Variants in FRMD4A observed in about 807,000 individuals in gnomAD.
FRMD4A encodes the protein FERM domain-containing protein 4A.
In FRMD4A, 29 loss-of-function variants were observed where a neutral mutation model predicts 129.1. That is an observed-to-expected ratio of 0.22 (90% CI 0.17 to 0.31). The LOEUF is 0.31. FRMD4A is among the 10% of genes least tolerant of loss of function. FRMD4A has a pLI of 1.00. For synonymous variants in FRMD4A, 634 were observed against 571.6 expected (o/e 1.11, Z -1.56); for missense variants, 1,272 against 1,375.8 (o/e 0.92, Z 1.19).
intron 2 of FRMD4A, among the ~76,000 whole-genome samples, chr10:13,919,897 C>T (rs1280783399): frequency 6.6e-6 from 1 of 152,138 alleles, no homozygotes; most frequent in Non-Finnish European, 1.5e-5. Context: ...GAGATTGCAC[C>T]ACTGCACTCC....
intron 2 of FRMD4A, among the ~76,000 whole-genome samples, chr10:14,055,472 C>A (rs7083564): frequency 0.17 from 17,626 of 105,364 alleles, 1,286 homozygotes; most frequent in East Asian, 0.41. Flanking sequence ...AACACACACA[C>A]ACACACACAC....
chr10:14,137,262 G>C (rs1839587161), intron 2 of FRMD4A, among the ~76,000 whole-genome samples: 1 of 152,182 alleles, frequency 6.6e-6, no homozygotes, highest in East Asian at 1.9e-4. Flanking sequence ...ACTCCCCCTT[G>C]CCCAGTGGAA....
intron 2 of FRMD4A, among the ~76,000 whole-genome samples, chr10:14,054,284 G>T (rs536618351): frequency 6.6e-6 from 1 of 152,200 alleles, no homozygotes; most frequent in Middle Eastern, 3.4e-3. Context: ...TTATGGCCTT[G>T]CCACCTCTTC....
Position 13,956,313 on chromosome 10 carries a change from C to T in FRMD4A, c.46-97401G>A, listed in dbSNP as rs542071190. Among the ~76,000 whole-genome samples, 12 of 152,236 alleles carry T rather than the reference C, an allele frequency of 7.9e-5. No individual in the cohort carries two copies. In the East Asian group the frequency reaches 1.2e-3, roughly 15 times the overall value. ...GACTGCAGGCATGAGCCACCACACC[C>T]GGCTAATTTTGTACTTTTAGTAGAG... On this transcript the variant is annotated intron_variant, in intron 2 of 24. Coordinates refer to ENST00000357447, the MANE Select transcript of FRMD4A (RefSeq NM_018027.5).
At chr10:13,960,852 CT>C in intron 2 of FRMD4A, among the ~76,000 whole-genome samples, 1 of 152,052 alleles carries the variant, frequency 6.6e-6, no homozygotes, top group Non-Finnish European at 1.5e-5. Context: ...CTCTGCCCTC[CT>C]TTTTTTTAAG....
chr10:14,096,047 C>T (rs992720281), intron 2 of FRMD4A, among the ~76,000 whole-genome samples: 1 of 152,214 alleles, frequency 6.6e-6, no homozygotes, highest in African/African-American at 2.4e-5. Context: ...AAAAAGGCAC[C>T]AAGCCTTCTG....
intron 2 of FRMD4A, among the ~76,000 whole-genome samples, chr10:13,891,250 C>T (rs943656763): frequency 6.6e-6 from 1 of 152,030 alleles, no homozygotes; most frequent in Admixed American, 6.5e-5. Context: ...TCTGAAACGC[C>T]CTGTCCTGCA....
intron 2 of FRMD4A, among the ~76,000 whole-genome samples, chr10:13,964,922 G>A (rs2095475585): frequency 6.6e-6 from 1 of 152,002 alleles, no homozygotes; most frequent in Admixed American, 6.6e-5. Flanking sequence ...TTGACCTCAT[G>A]ACCTGCCCGC....
intron 2 of FRMD4A, among the ~76,000 whole-genome samples, chr10:13,895,331 A>C (rs542900885): frequency 6.6e-6 from 1 of 152,338 alleles, no homozygotes; most frequent in East Asian, 1.9e-4. Context: ...AAATGAGAAC[A>C]TGCAGAATTT....
At chr10:13,905,548 C>G (rs2094873046) in intron 2 of FRMD4A, among the ~76,000 whole-genome samples, 1 of 152,062 alleles carries the variant, frequency 6.6e-6, no homozygotes, top group South Asian at 2.1e-4. Context: ...TGGTTATAAC[C>G]TAAACTATTA....
chr10:13,827,103 G>A (rs1471681041), intron 3 of FRMD4A, among the ~76,000 whole-genome samples: 2 of 152,210 alleles, frequency 1.3e-5, no homozygotes, highest in Non-Finnish European at 1.5e-5. Flanking sequence ...AAGACGGTGA[G>A]GCATTTATGA....
chr10:13,683,271 C>T (rs756953337), intron 15 of FRMD4A, among the ~76,000 whole-genome samples: 20 of 152,066 alleles, frequency 1.3e-4, no homozygotes, highest in East Asian at 9.7e-4. Context: ...ACCTGCCTGC[C>T]GGGAGGCAGA....
intron 14 of FRMD4A, among the ~76,000 whole-genome samples, chr10:13,696,393 C>T (rs952313252): frequency 2.6e-5 from 4 of 152,290 alleles, no homozygotes; most frequent in African/African-American, 7.2e-5. Context: ...CAATAACTCA[C>T]GAAGGCCTAG....
intron 2 of FRMD4A, among the ~76,000 whole-genome samples, chr10:13,991,409 A>G (rs1484623320): frequency 1.2e-4 from 18 of 152,268 alleles, no homozygotes; most frequent in Admixed American, 1.1e-3. Flanking sequence ...GACAGTGTGC[A>G]CCTGCTTTCC....
At chr10:13,739,423 A>G (rs1041813348) in intron 11 of FRMD4A, among the ~76,000 whole-genome samples, 1 of 152,342 alleles carries the variant, frequency 6.6e-6, no homozygotes, top group African/African-American at 2.4e-5. Flanking sequence ...CAAGGCCACC[A>G]GACAGGGAGC....
chr10:14,043,743 A>G (rs1015856609), intron 2 of FRMD4A, among the ~76,000 whole-genome samples: 1 of 152,268 alleles, frequency 6.6e-6, no homozygotes, highest in Admixed American at 6.5e-5. Flanking sequence ...TTGACTTCTC[A>G]TCAAACTAGC....
chr10:14,172,848 C>T (rs1389089914), intron 2 of FRMD4A, among the ~76,000 whole-genome samples: 3 of 152,182 alleles, frequency 2.0e-5, no homozygotes, highest in Admixed American at 6.5e-5. Flanking sequence ...CGCAGAAGGG[C>T]TGGAGTTAGA....
At chr10:14,282,065 G>A (rs868054686) in intron 2 of FRMD4A, among the ~76,000 whole-genome samples, 26 of 152,146 alleles carry the variant, frequency 1.7e-4, no homozygotes, top group African/African-American at 5.6e-4. Context: ...GAGAAAGAAT[G>A]AGAACCAAGC....
At chr10:13,950,762 C>T (rs1426268990) in intron 2 of FRMD4A, among the ~76,000 whole-genome samples, 1 of 152,182 alleles carries the variant, frequency 6.6e-6, no homozygotes, top group East Asian at 1.9e-4. Flanking sequence ...GAGAATTTTG[C>T]TTGGCTCATT....
Sources: gnomAD v4.1 joint callset for allele counts (sites outside exome capture counted in the v4.1 genomes callset) on GRCh38, gnomAD v4.1.1 for gene constraint, MANE v1.5 for transcripts, NCBI Gene and HGNC (gene_info 2026-07-23, HGNC 2026-07-21) for gene names.